SYNGR1: variants seen among roughly 807,000 people sequenced by gnomAD.
SYNGR1 encodes the protein synaptogyrin-1.
SYNGR1 carries 14 observed loss-of-function variants against 26.1 expected under a neutral mutation model. The ratio of observed to expected loss-of-function variants is 0.54; its 90% CI spans 0.35 to 0.84. The LOEUF is 0.84. Among genes scored for constraint, SYNGR1 ranks in the 40% least tolerant of loss-of-function variants. The probability of loss-of-function intolerance (pLI) is 0.01; values close to 1 mark genes in which losing one functional copy is unlikely to be tolerated. For missense variants in SYNGR1, 319 were observed against 332.9 expected (o/e 0.96, Z 0.33); for synonymous variants, 141 against 150.1 (o/e 0.94, Z 0.44).
At chr22:39,371,615 ACTC>A (rs1925023289) in intron 1 of SYNGR1, among the ~76,000 whole-genome samples, 1 of 151,996 alleles carries the variant, frequency 6.6e-6, no homozygotes, top group Admixed American at 6.6e-5. Flanking sequence ...ACATGACGAA[ACTC>A]CATCTCTACT....
chr22:39,372,438 CTTTTTTTTTTT>C (rs767314185), intron 1 of SYNGR1, among the ~76,000 whole-genome samples: 39 of 54,650 alleles, frequency 7.1e-4, no homozygotes, highest in African/African-American at 2.5e-3. Context: ...ACGCCCAGCT[CTTTTTTTTTTT>C]TTTTTTTTTT....
At chr22:39,374,749 C>G (rs1925198527) in intron 2 of SYNGR1, 196 bp downstream of exon 2, 2 of 632,022 alleles carry the variant, frequency 3.2e-6, no homozygotes, top group Non-Finnish European at 5.6e-6. Context: ...CCCAAAATAA[C>G]CCATGCTGCC....
intron 1 of SYNGR1, among the ~76,000 whole-genome samples, chr22:39,360,699 A>G (rs1924431230): frequency 6.6e-6 from 1 of 152,178 alleles, no homozygotes; most frequent in African/African-American, 2.4e-5. Flanking sequence ...GTGGAGGGAA[A>G]TGTGGTGGAA....
At chr22:39,367,030 C>T (rs946541019) in intron 1 of SYNGR1, among the ~76,000 whole-genome samples, 15 of 152,234 alleles carry the variant, frequency 9.9e-5, no homozygotes, top group African/African-American at 3.6e-4. Flanking sequence ...GCTGCTTCTT[C>T]CCTGGGCTCG....
chr22:39,375,315 A>T, intron 2 of SYNGR1: 1 of 156,998 alleles, frequency 6.4e-6, no homozygotes, highest in Non-Finnish European at 1.4e-5. Context: ...GTTCCCTGGC[A>T]GTGCCTCTGG....
intron 1 of SYNGR1, among the ~76,000 whole-genome samples, chr22:39,361,252 C>T (rs1441248219): frequency 6.6e-6 from 1 of 151,976 alleles, no homozygotes; most frequent in Non-Finnish European, 1.5e-5. Context: ...GGAATTTGCA[C>T]AGCAGGAGAG....
At position 39,362,025 on chromosome 22, in the gene SYNGR1, T is replaced by TG. The variant is rs1471866266; in HGVS notation, c.99+11916_99+11917insG. ...TTCCTCCTTTCTCTCCTTTTTTTTTTTTTGTAGAGACGAGGCCTCACTATG... is the reference window on the plus strand; with the variant it reads ...TTCCTCCTTTCTCTCCTTTTTTTTTTGTTTGTAGAGACGAGGCCTCACTATG... On this transcript the variant is annotated intron_variant, in intron 1 of 3. Transcript: ENST00000328933. Among the ~76,000 whole-genome samples, 24 of 150,976 alleles carry TG rather than the reference T, an allele frequency of 1.6e-4. 1 individual carries two copies. Among genetic ancestry groups the TG allele is most frequent in the Non-Finnish European group, 5.9e-5 (4 of 67,652 alleles).
chr22:39,363,251 G>A (rs939742046), intron 1 of SYNGR1, among the ~76,000 whole-genome samples: 4 of 152,008 alleles, frequency 2.6e-5, no homozygotes, highest in African/African-American at 9.7e-5. Flanking sequence ...CTGGGCAGGG[G>A]GCGGTGGGTG....
chr22:39,374,889 G>T, intron 2 of SYNGR1: 1 of 405,816 alleles, frequency 2.5e-6, no homozygotes, highest in Non-Finnish European at 4.7e-6. Flanking sequence ...CACCTCCCTG[G>T]GGCAGCCTCA....
intron 1 of SYNGR1, among the ~76,000 whole-genome samples, chr22:39,355,775 T>C (rs145248156): frequency 0.01 from 1,590 of 152,278 alleles, 12 homozygotes; most frequent in Non-Finnish European, 0.016. Flanking sequence ...CCCAACACTT[T>C]GGGAGGCAGA....
rs987701835 is a variant in SYNGR1 at position 39,364,402 on chromosome 22, T to G, written c.100-9914T>G. On this transcript the variant is annotated intron_variant, in intron 1 of 3. Coordinates refer to ENST00000328933, the MANE Select transcript of SYNGR1 (RefSeq NM_004711.5). ...GTATAAGACTGCTTTGTGGGGATGA[T>G]TTGCAGATTTTTATGGGGATTAAAA... 4.5e-6 allele frequency: 7 copies of G among 1,569,026 alleles called. No individual in the cohort carries two copies. In the Admixed American group the frequency reaches 1.2e-4, roughly 27 times the overall value.
At chr22:39,379,080 T>A (rs1925409831) in intron 3 of SYNGR1, among the ~76,000 whole-genome samples, 1 of 152,084 alleles carries the variant, frequency 6.6e-6, no homozygotes, top group African/African-American at 2.4e-5. Context: ...TTCAGTCAGT[T>A]CCTGTGGGCT....
chr22:39,354,141 T>C (rs137701), intron 1 of SYNGR1, among the ~76,000 whole-genome samples: 122,867 of 152,240 alleles, frequency 0.81, 50,035 homozygotes, highest in East Asian at 1. Context: ...GGATTACAGG[T>C]GTGAGCCACC....
intron 1 of SYNGR1, among the ~76,000 whole-genome samples, chr22:39,357,609 CTT>C (rs1924208036): frequency 6.7e-6 from 1 of 148,208 alleles, no homozygotes. Context: ...TGGGCGTGGG[CTT>C]GGCGGGCCCC....
Position 39,350,070 on chromosome 22 carries a change from G to A in SYNGR1, c.60G>A (p.Leu20=), listed in dbSNP as rs200345991. The change falls in exon 1 of 4, where the codon CTG becomes CTA. Residue 20 remains leucine (L), a synonymous_variant. Transcript: ENST00000328933. The surrounding 1 kb of genome is among the most constrained non-coding windows in gnomAD (Gnocchi z 4.3). ...KAGGAFDPYT[L]VRQPHTILRV... ...GGGGCGCCTTCGACCCCTACACCCT[G>A]GTCCGGCAGCCGCACACCATCCTGC... 183 of 1,467,272 alleles carry A rather than the reference G, an allele frequency of 1.2e-4. No individual in the cohort carries two copies. Among genetic ancestry groups the A allele is most frequent in the Non-Finnish European group, 9.8e-5 (107 of 1,096,736 alleles). 90.9% of individuals were successfully genotyped at this position (1,467,272 alleles called of 1,614,324 possible).
At chr22:39,380,811 G>A (rs1459653961) in intron 3 of SYNGR1, among the ~76,000 whole-genome samples, 1 of 151,744 alleles carries the variant, frequency 6.6e-6, no homozygotes, top group Non-Finnish European at 1.5e-5. Context: ...AGTAGAGATG[G>A]GGTTTCACCA....
intron 1 of SYNGR1, among the ~76,000 whole-genome samples, chr22:39,355,769 A>G (rs137708): frequency 0.81 from 122,826 of 152,212 alleles, 50,022 homozygotes; most frequent in East Asian, 1. Context: ...TGTAAGCCCA[A>G]CACTTTGGGA....
At chr22:39,378,373 GTTCA>G (rs61426542) in intron 3 of SYNGR1, 35 of 870,084 alleles carry the variant, frequency 4.0e-5, no homozygotes, top group Non-Finnish European at 4.4e-5. Flanking sequence ...AAGCTCTTTT[GTTCA>G]TTCATTCATT....
chr22:39,377,599 G>A, intron 3 of SYNGR1: 1 of 1,613,802 alleles, frequency 6.2e-7, no homozygotes, highest in Non-Finnish European at 8.5e-7. Flanking sequence ...TCCTGGCAGA[G>A]CCTGACCGCA....
Sources: gnomAD v4.1 joint callset for allele counts (sites outside exome capture counted in the v4.1 genomes callset) on GRCh38, gnomAD v4.1.1 for gene constraint, Gnocchi (gnomAD v3.1) non-coding constraint, MANE v1.5 for transcripts, NCBI Gene and HGNC (gene_info 2026-07-23, HGNC 2026-07-21) for gene names.